GPC6: variants seen among roughly 807,000 people sequenced by gnomAD.
The protein encoded by GPC6 is glypican 6.
GPC6 carries 14 observed loss-of-function variants against 55.2 expected under a neutral mutation model. That is an observed-to-expected ratio of 0.25 (90% CI 0.17 to 0.40). GPC6 has a LOEUF of 0.40. GPC6 is among the 10% of genes least tolerant of loss of function. The pLI is 1.00. For synonymous variants in GPC6, 278 were observed against 259.6 expected (o/e 1.07, Z -0.68); for missense variants, 641 against 708.5 (o/e 0.90, Z 1.08).
In GPC6 at chr13:94,000,342, T is replaced by C. The variant is rs916565761; in HGVS notation, c.712-27387T>C. On this transcript the variant is annotated intron_variant, in intron 3 of 8. Coordinates refer to ENST00000377047, the MANE Select transcript of GPC6 (RefSeq NM_005708.5). ...ATCCATTTATACTCTGGCATGTGTG[T>C]TGTTATATTTATTATTCTATATTAC... Among the ~76,000 whole-genome samples the C allele has an allele frequency of 3.9e-5, 6 of 152,188 alleles. No homozygotes were observed. In the East Asian group the frequency reaches 1.2e-3, roughly 29 times the overall value.
intron 4 of GPC6, among the ~76,000 whole-genome samples, chr13:94,151,071 A>G (rs1887722468): frequency 6.6e-6 from 1 of 151,980 alleles, no homozygotes; most frequent in African/African-American, 2.4e-5. Flanking sequence ...GCCTGGCCTT[A>G]TGGATGGAGC....
intron 1 of GPC6, among the ~76,000 whole-genome samples, chr13:93,254,330 A>C (rs1236825057): frequency 2.0e-5 from 3 of 152,202 alleles, no homozygotes; most frequent in Admixed American, 6.5e-5. Context: ...TCTCTTATAA[A>C]AACAAAAATG....
intron 7 of GPC6, among the ~76,000 whole-genome samples, chr13:94,384,571 C>T (rs527496389): frequency 8.5e-5 from 13 of 152,098 alleles, no homozygotes; most frequent in African/African-American, 1.4e-4. Flanking sequence ...AGGCCATGGG[C>T]GAAGTTAGGG....
chr13:94,329,524 A>G (rs1195765391), intron 6 of GPC6, among the ~76,000 whole-genome samples: 1 of 152,208 alleles, frequency 6.6e-6, no homozygotes. Flanking sequence ...TACACAGCCA[A>G]GGTCTTCATC....
chr13:93,267,832 A>ATT (rs887180690), intron 1 of GPC6, among the ~76,000 whole-genome samples: 9 of 152,226 alleles, frequency 5.9e-5, no homozygotes, highest in African/African-American at 1.9e-4. Context: ...GAGATTTTAT[A>ATT]TTTTTTTAGG....
intron 2 of GPC6, among the ~76,000 whole-genome samples, chr13:93,756,420 G>A (rs1884772791): frequency 6.6e-6 from 1 of 152,148 alleles, no homozygotes; most frequent in Admixed American, 6.5e-5. Context: ...GGACATGCTG[G>A]TCAGAGGCCA....
chr13:93,805,216 A>G (rs1459278268), intron 2 of GPC6, among the ~76,000 whole-genome samples: 4 of 152,206 alleles, frequency 2.6e-5, no homozygotes, highest in Non-Finnish European at 5.9e-5. Flanking sequence ...TGAGAAAGGT[A>G]GAAAGATTTT....
intron 4 of GPC6, among the ~76,000 whole-genome samples, chr13:94,255,072 G>A (rs1237562708): frequency 6.6e-6 from 1 of 152,154 alleles, no homozygotes; most frequent in Non-Finnish European, 1.5e-5. Context: ...TGCAGAACAG[G>A]TAGTAAATGT....
intron 4 of GPC6, chr13:94,154,413 CAA>C (rs1215292260): frequency 6.6e-6 from 1 of 152,094 alleles, no homozygotes; most frequent in Non-Finnish European, 1.5e-5. Flanking sequence ...AGATCTAAAA[CAA>C]AAAGACATGG....
At chr13:94,072,467 C>T (rs988295309) in intron 4 of GPC6, among the ~76,000 whole-genome samples, 19 of 152,258 alleles carry the variant, frequency 1.2e-4, no homozygotes, top group East Asian at 3.9e-4. Context: ...AATTCTTCTG[C>T]GTCAGCCTGC....
upstream of GPC6, among the ~76,000 whole-genome samples, chr13:93,225,173 G>GTGTGT (rs1413906459): frequency 6.6e-6 from 1 of 152,186 alleles, no homozygotes. Flanking sequence ...GACAGGAAGT[G>GTGTGT]TGTGTTTTTA....
intron 1 of GPC6, among the ~76,000 whole-genome samples, chr13:93,424,533 G>A (rs1388005343): frequency 6.6e-6 from 1 of 152,018 alleles, no homozygotes; most frequent in Non-Finnish European, 1.5e-5. Context: ...GGAGGAGTTG[G>A]CCTTAAATTT....
rs776354546 is a variant in GPC6 at position 93,545,403 on chromosome 13, A to G, written c.301A>G (p.Arg101Gly). The change falls in exon 2 of 9, where the codon AGG (arginine) becomes GGG (glycine). Residue 101 changes from arginine (R) to glycine (G), a missense_variant. Transcript: ENST00000377047. The stretch of plus-strand genomic sequence containing the variant: ...TTTTGTGCGCACCACTTTTGTGTCC[A>G]GGCATAAGAAATTTGACGGTAGGTG... ...SHFVRTTFVS[R>G]HKKFDEFFRE... 2.5e-5 allele frequency: 41 copies of G among 1,613,794 alleles called. No individual in the cohort carries two copies. Among genetic ancestry groups the G allele is most frequent in the Admixed American group, 1.0e-4 (6 of 59,990 alleles).
chr13:93,229,829 G>T (rs1040059709), intron 1 of GPC6, among the ~76,000 whole-genome samples: 1 of 151,812 alleles, frequency 6.6e-6, no homozygotes, highest in Non-Finnish European at 1.5e-5. Context: ...GTCACCACAG[G>T]GTCAGAGGCA....
chr13:93,228,256 G>A (rs1017255629), intron 1 of GPC6, among the ~76,000 whole-genome samples: 4 of 152,202 alleles, frequency 2.6e-5, no homozygotes, highest in Non-Finnish European at 5.9e-5. Flanking sequence ...CGGGCTGCCT[G>A]TTTCAGATGT....
At chr13:93,447,952 T>A (rs1426986095) in intron 1 of GPC6, among the ~76,000 whole-genome samples, 1 of 152,216 alleles carries the variant, frequency 6.6e-6, no homozygotes, top group Non-Finnish European at 1.5e-5. Flanking sequence ...AAATAATGTC[T>A]ATTCATTGCT....
intron 2 of GPC6, among the ~76,000 whole-genome samples, chr13:93,655,791 G>A (rs1482574996): frequency 6.6e-6 from 1 of 152,138 alleles, no homozygotes; most frequent in Admixed American, 6.5e-5. Flanking sequence ...TAACAACAAT[G>A]AAATAGGGAA....
intron 3 of GPC6, among the ~76,000 whole-genome samples, chr13:93,961,583 T>G (rs1023672065): frequency 2.6e-5 from 4 of 152,224 alleles, no homozygotes; most frequent in Non-Finnish European, 4.4e-5. Context: ...TTGAAATGCA[T>G]AGACCATCAC....
chr13:93,298,663 G>T (rs1280126159), intron 1 of GPC6, among the ~76,000 whole-genome samples: 1 of 150,786 alleles, frequency 6.6e-6, no homozygotes, highest in Non-Finnish European at 1.5e-5. Context: ...TCCTAGGCTA[G>T]TCTCAAATTC....
Sources: allele counts gnomAD v4.1 joint callset (sites outside exome capture counted in the v4.1 genomes callset), GRCh38; gene constraint gnomAD v4.1.1; transcripts MANE v1.5; gene names NCBI Gene and HGNC (gene_info 2026-07-23, HGNC 2026-07-21).